The following ZFR variants were observed in gnomAD, a reference collection of about 807,000 sequenced individuals.
The protein encoded by ZFR is zinc finger RNA-binding protein.
Under a neutral mutation model 130.7 loss-of-function variants are expected in ZFR, and 19 were observed. The observed-to-expected ratio is 0.15, with a 90% CI of 0.10 to 0.21. The LOEUF (loss-of-function observed/expected upper bound fraction) is 0.21, where lower values mean the gene tolerates loss of function less well. ZFR is among the 10% of genes least tolerant of loss of function. The pLI is 1.00. For missense variants in ZFR, 872 were observed against 1,321.5 expected (o/e 0.66, Z 5.27); for synonymous variants, 466 against 456.9 (o/e 1.02, Z -0.25).
chr5:32,394,397 C>T lies in ZFR; in HGVS notation c.1979+762G>A, dbSNP rs376231726. ...TAGTAAGTTGATGCAAAAATAATCG[C>T]GGTTTATACCAAATGAATTTATTAA... is the stretch of plus-strand genomic sequence containing the variant. On this transcript the variant is annotated intron_variant, in intron 11 of 19. Transcript: ENST00000265069. 172 of 169,272 alleles carry T rather than the reference C, an allele frequency of 1.0e-3. 1 individual carries two copies. Among genetic ancestry groups the T allele is most frequent in the African/African-American group, 3.9e-3 (164 of 41,628 alleles). 10.5% of individuals were successfully genotyped at this position (169,272 alleles called of 1,614,324 possible). A position where few individuals can be genotyped will look rare whatever the true frequency, so the allele number is the denominator to read the frequency against.
At chr5:32,401,202 T>C (rs1052414842) in intron 8 of ZFR, among the ~76,000 whole-genome samples, 6 of 152,246 alleles carry the variant, frequency 3.9e-5, no homozygotes, top group Non-Finnish European at 5.9e-5. Context: ...CTTTCAAAAA[T>C]ATTCTTAAGT....
chr5:32,409,077 C>T (rs1753643681), intron 5 of ZFR, among the ~76,000 whole-genome samples: 1 of 152,156 alleles, frequency 6.6e-6, no homozygotes, highest in Admixed American at 6.5e-5. Context: ...AAGTTTAATT[C>T]TCTGTAAGCA....
In ZFR at chr5:32,444,347, G is replaced by T. The variant is rs1754553386; in HGVS notation, c.38-19C>A. ...CTGGGCACTGCGGCGGGCACGAAGA[G>T]TCGGGTCCCATGGCGGGACAAGAGA... On this transcript the variant is annotated intron_variant, in intron 1 of 19. Transcript: ENST00000265069. 5 of 1,535,026 alleles carry T rather than the reference G, an allele frequency of 3.3e-6. No individual in the cohort carries two copies. Among genetic ancestry groups the T allele is most frequent in the Non-Finnish European group, 4.4e-6 (5 of 1,139,694 alleles).
intron 2 of ZFR, among the ~76,000 whole-genome samples, chr5:32,421,239 A>G (rs1753950380): frequency 6.6e-6 from 1 of 152,196 alleles, no homozygotes; most frequent in African/African-American, 2.4e-5. Context: ...GAAGAGCCCC[A>G]ACAGTTATTT....
intron 14 of ZFR, among the ~76,000 whole-genome samples, chr5:32,386,822 T>C (rs1753055902): frequency 6.6e-6 from 1 of 152,146 alleles, no homozygotes; most frequent in Non-Finnish European, 1.5e-5. Flanking sequence ...GTAGAATACA[T>C]GTTACCAATG....
chr5:32,388,775 A>G, intron 12 of ZFR, 101 bp from the exon 13 acceptor site: 2 of 1,087,064 alleles, frequency 1.8e-6, no homozygotes, highest in Non-Finnish European at 1.3e-6. Context: ...TTCAATAAGA[A>G]AGCCTTTATC....
At chr5:32,381,953 G>T (rs568375141) in intron 15 of ZFR, among the ~76,000 whole-genome samples, 2 of 152,100 alleles carry the variant, frequency 1.3e-5, no homozygotes, top group Non-Finnish European at 2.9e-5. Context: ...GAACTATTCT[G>T]TCAGGAATAG....
At chr5:32,439,345 G>A (rs1581720723) in intron 2 of ZFR, among the ~76,000 whole-genome samples, 1 of 152,044 alleles carries the variant, frequency 6.6e-6, no homozygotes, top group East Asian at 1.9e-4. Flanking sequence ...CCTTACTAGT[G>A]TTACTTTTAT....
chr5:32,406,037 A>G (rs1753574400), intron 6 of ZFR, among the ~76,000 whole-genome samples: 2 of 152,194 alleles, frequency 1.3e-5, no homozygotes. Flanking sequence ...CATGCCTTTT[A>G]TCTGCCAAGC....
rs1297906990 is a variant in ZFR, at chr5:32,429,550, A to G, written c.138-9447T>C. Among the ~76,000 whole-genome samples the G allele has an allele frequency of 2.0e-5, 3 of 152,218 alleles. No individual in the cohort carries two copies. In the East Asian group the frequency reaches 5.8e-4, roughly 29 times the overall value. ...ATCTGACCAGGCAAATTCCCAACCA[A>G]GAAGTTAGTTTAATTCAGACTGACT... On this transcript the variant is annotated intron_variant, in intron 2 of 19. Coordinates refer to ENST00000265069, the MANE Select transcript of ZFR (RefSeq NM_016107.5).
intron 19 of ZFR, among the ~76,000 whole-genome samples, chr5:32,359,746 C>G (rs1752390111): frequency 6.6e-6 from 1 of 152,182 alleles, no homozygotes; most frequent in South Asian, 2.1e-4. Context: ...GTCAGGAGTT[C>G]GACACCAGCC....
At chr5:32,407,531 C>A (rs752230946) in intron 5 of ZFR, among the ~76,000 whole-genome samples, 1 of 151,772 alleles carries the variant, frequency 6.6e-6, no homozygotes, top group African/African-American at 2.4e-5. Context: ...AAATCTGGAG[C>A]CCCAGTGATC....
At chr5:32,421,931 T>C (rs1753967679) in intron 2 of ZFR, among the ~76,000 whole-genome samples, 1 of 152,092 alleles carries the variant, frequency 6.6e-6, no homozygotes, top group African/African-American at 2.4e-5. Flanking sequence ...CAGTAACAGG[T>C]CATACTTTTC....
chr5:32,415,706 G>C (rs1753812312), intron 4 of ZFR, among the ~76,000 whole-genome samples: 1 of 151,918 alleles, frequency 6.6e-6, no homozygotes, highest in Non-Finnish European at 1.5e-5. Context: ...ATCTAACAAG[G>C]TACTACATAA....
At chr5:32,361,148 C>G in intron 19 of ZFR, among the ~76,000 whole-genome samples, 1 of 152,190 alleles carries the variant, frequency 6.6e-6, no homozygotes, top group East Asian at 1.9e-4. Context: ...GCTGTTCACA[C>G]TATTTTAAAT....
intron 2 of ZFR, among the ~76,000 whole-genome samples, chr5:32,442,277 C>A (rs1424225637): frequency 6.6e-6 from 1 of 152,156 alleles, no homozygotes; most frequent in South Asian, 2.1e-4. Context: ...TAATTGCCAG[C>A]AGATTTATGG....
At chr5:32,363,013 A>G (rs73757223) in intron 19 of ZFR, among the ~76,000 whole-genome samples, 1 of 152,210 alleles carries the variant, frequency 6.6e-6, no homozygotes, top group Non-Finnish European at 1.5e-5. Flanking sequence ...CAGCGAATGC[A>G]TAAGAATTTG....
chr5:32,387,884 T>A (rs946718576), intron 13 of ZFR, among the ~76,000 whole-genome samples, 185 bp from the exon 14 acceptor site: 14 of 151,714 alleles, frequency 9.2e-5, no homozygotes, highest in African/African-American at 1.7e-4. Context: ...AAAAAAAAAA[T>A]AATAAAGAGC....
chr5:32,420,586 T>TA (rs1469085082), intron 2 of ZFR, among the ~76,000 whole-genome samples: 1 of 152,188 alleles, frequency 6.6e-6, no homozygotes, highest in African/African-American at 2.4e-5. Context: ...ACCAGCTGAT[T>TA]AAAAAATACT....
Sources: allele counts gnomAD v4.1 joint callset (sites outside exome capture counted in the v4.1 genomes callset), GRCh38; gene constraint gnomAD v4.1.1; transcripts MANE v1.5; gene names NCBI Gene and HGNC (gene_info 2026-07-23, HGNC 2026-07-21).